CYP1A2: variants seen among roughly 807,000 people sequenced by gnomAD.
CYP1A2 encodes the protein cytochrome P450 family 1 subfamily A member 2, also known as cytochrome P450 1A2.
Under a neutral mutation model 34.7 loss-of-function variants are expected in CYP1A2, and 35 were observed. The observed-to-expected ratio is 1.01, with a 90% CI of 0.77 to 1.34. The LOEUF is 1.34. Among genes scored for constraint, CYP1A2 ranks in the 40% most tolerant of loss-of-function variants. The pLI, the probability that CYP1A2 is intolerant of heterozygous loss-of-function variation, is 0.00. For synonymous variants in CYP1A2, 288 were observed against 281.9 expected, an observed-to-expected ratio of 1.02 and a Z score of -0.22; for missense variants, 675 against 675.8, an observed-to-expected ratio of 1.00 and a Z score of 0.01.
Position 74,749,779 on chromosome 15 carries a change from T to G in CYP1A2, c.41T>G (p.Leu14Arg), listed in dbSNP as rs1401787029. The stretch of plus-strand genomic sequence containing the variant: ...TCTGTTCCCTTCTCGGCCACAGAGC[T>G]TCTCCTGGCCTCTGCCATCTTCTGC... Reference protein sequence around the residue: ...SQSVPFSATELLLASAIFCLV... With the variant: ...SQSVPFSATERLLASAIFCLV... Residue 14 changes from leucine to arginine, a missense_variant, in exon 2 of 7, where the codon CTT (leucine) becomes CGT (arginine). Transcript: ENST00000343932. The G allele has an allele frequency of 6.4e-7, 1 of 1,557,782 alleles. No individual in the cohort carries two copies. Among genetic ancestry groups the G allele is most frequent in the East Asian group, 2.3e-5 (1 of 44,192 alleles).
Position 74,753,284 on chromosome 15 carries a change from C to A in CYP1A2, c.1253+14C>A. ...CAACCATGACCCGTGAGTACATACC[C>A]CTCACGAAAAAATGTGTGCAGGTTC... On this transcript the variant is annotated intron_variant, in intron 6 of 6. Coordinates refer to ENST00000343932, the MANE Select transcript of CYP1A2 (RefSeq NM_000761.5). The A allele has an allele frequency of 6.2e-7, 1 of 1,607,094 alleles. No homozygotes were observed. The highest frequency in any genetic ancestry group is 1.1e-5 in the South Asian group (1 of 90,798).
chr15:74,750,054 A>G lies in CYP1A2; in HGVS notation c.316A>G (p.Lys106Glu). 6.2e-7 allele frequency: 1 copy of G among 1,614,050 alleles called. No homozygotes were observed. ...CCTGGTGCGGCAGGGCGACGATTTCAAGGGCCGGCCTGACCTCTACACCTC... is the reference window on the plus strand; with the variant it reads ...CCTGGTGCGGCAGGGCGACGATTTCGAGGGCCGGCCTGACCTCTACACCTC... ...QALVRQGDDF[K>E]GRPDLYTSTL... The change falls in exon 2 of 7, where the codon AAG (lysine) becomes GAG (glutamate). Residue 106 changes from lysine to glutamate, a missense_variant. Physicochemically the swap from Lys to Glu is moderately conservative, Grantham distance 56 (BLOSUM62 1). Transcript: ENST00000343932.
At position 74,752,258 on chromosome 15, in the gene CYP1A2, C is replaced by A. The variant is rs745320017; in HGVS notation, c.1166+11C>A. 3.1e-6 allele frequency: 5 copies of A among 1,613,212 alleles called. No homozygotes were observed. In the East Asian group the frequency reaches 6.7e-5, roughly 22 times the overall value. ...CACCATCCCCCACAGGTGAGGCCTGCCGGTTCTGCCCTCCCACCTCTAAAG... is the reference window on the plus strand; with the variant it reads ...CACCATCCCCCACAGGTGAGGCCTGACGGTTCTGCCCTCCCACCTCTAAAG... On this transcript the variant is annotated intron_variant, in intron 5 of 6. Transcript: ENST00000343932.
intron 2 of CYP1A2, 25 bp from the exon 3 acceptor site, chr15:74,751,164 T>C (rs940101068): frequency 2.5e-6 from 4 of 1,612,670 alleles, no homozygotes; most frequent in Non-Finnish European, 8.5e-7. Context: ...GTGCCAGAGG[T>C]GCCCCTAAGC....
Position 74,751,795 on chromosome 15 carries a change from G to A in CYP1A2, c.983G>A (p.Trp328Ter), listed in dbSNP as rs777138577. 6 of 1,614,004 alleles carry A rather than the reference G, an allele frequency of 3.7e-6. No homozygotes were observed. The highest frequency in any genetic ancestry group is 4.2e-6 in the Non-Finnish European group (5 of 1,180,010). ...GFDTVTTAISWSLMYLVTKPE... is the reference protein window; with the variant it reads ...GFDTVTTAIS Reference sequence around the variant, plus strand: ...GACACAGTCACCACAGCCATCTCCTGGAGCCTCATGTACCTTGTGACCAAG... The same window carrying A: ...GACACAGTCACCACAGCCATCTCCTAGAGCCTCATGTACCTTGTGACCAAG... The change falls in exon 4 of 7, where the codon TGG becomes TAG. Residue 328 changes from tryptophan to a stop codon, truncating the protein, a stop_gained. Transcript: ENST00000343932. LOFTEE classifies it high-confidence loss of function.
At chr15:74,749,236 G>A (rs770199864) in intron 1 of CYP1A2, among the ~76,000 whole-genome samples, 2 of 152,158 alleles carry the variant, frequency 1.3e-5, no homozygotes, top group East Asian at 1.9e-4. Flanking sequence ...TGGGGAGGGG[G>A]CATCACAGGC....
chr15:74,753,079 G>A, intron 5 of CYP1A2, 105 bp from the exon 6 acceptor site: 2 of 763,626 alleles, frequency 2.6e-6, no homozygotes, highest in Non-Finnish European at 4.5e-6. Flanking sequence ...CCAGTGTAGG[G>A]ATGGAGATGG....
chr15:74,753,185 A>C lies in CYP1A2; in HGVS notation c.1168A>C (p.Thr390Pro). The C allele has an allele frequency of 6.2e-7, 1 of 1,613,158 alleles. No individual in the cohort carries two copies. Among genetic ancestry groups the C allele is most frequent in the Non-Finnish European group, 8.5e-7 (1 of 1,179,448 alleles). The change falls in exon 6 of 7, where the codon ACA (threonine) becomes CCA (proline). Residue 390 changes from threonine to proline, a missense_variant and splice_region_variant. Transcript: ENST00000343932. ...SFLPFTIPHS[T>P]TRDTTLNGFY... is the part of the protein sequence containing the mutation. The stretch of plus-strand genomic sequence containing the variant: ...CACAGTGCCCTCTTCCCTCCTCAGC[A>C]CAACAAGGGACACAACGCTGAATGG...
Position 74,753,405 on chromosome 15 carries a change from T to C in CYP1A2, c.1253+135T>C, listed in dbSNP as rs2063325392. 6 of 665,926 alleles carry C rather than the reference T, an allele frequency of 9.0e-6. No homozygotes were observed. In the South Asian group the frequency reaches 1.2e-4, roughly 13 times the overall value. 41.3% of individuals were successfully genotyped at this position (665,926 alleles called of 1,614,324 possible). On this transcript the variant is annotated intron_variant, in intron 6 of 6. Coordinates refer to ENST00000343932, the MANE Select transcript of CYP1A2 (RefSeq NM_000761.5). ...ATAGTCTGCTCTAAGTGACGATATT[T>C]ACAAAAGTTTCACAAACTTTAGTGC...
intron 1 of CYP1A2, 54 bp from the exon 2 acceptor site, chr15:74,749,676 G>A (rs2063304362): frequency 1.5e-6 from 2 of 1,364,222 alleles, no homozygotes; most frequent in Non-Finnish European, 2.0e-6. Context: ...GGAAATGAAT[G>A]AATGAATGTC....
chr15:74,754,148 C>A (rs2063328076), intron 6 of CYP1A2, among the ~76,000 whole-genome samples: 1 of 152,136 alleles, frequency 6.6e-6, no homozygotes, highest in Non-Finnish European at 1.5e-5. Flanking sequence ...AAGGGATCTT[C>A]CTGCCTCAGC....
In CYP1A2 at chr15:74,750,697, C is replaced by G. The variant is rs1270701741; in HGVS notation, c.831+128C>G. On this transcript the variant is annotated intron_variant, in intron 2 of 6. Transcript: ENST00000343932. ...CTAGGAAGGCTCTGGACACCTCAGA[C>G]CAGCTGTGTGACCTGGAGCCGACTC... 9 of 750,896 alleles carry G rather than the reference C, an allele frequency of 1.2e-5. No individual in the cohort carries two copies. In the East Asian group the frequency reaches 2.4e-4, roughly 20 times the overall value. The allele number at this position is 750,896 out of a possible 1,614,324, so 46.5% of individuals were successfully genotyped here.
chr15:74,751,527 C>T (rs1208356102), intron 3 of CYP1A2, among the ~76,000 whole-genome samples: 1 of 152,216 alleles, frequency 6.6e-6, no homozygotes, highest in African/African-American at 2.4e-5. Flanking sequence ...TCAGTTTCCC[C>T]ATCTGAACAA....
chr15:74,751,778 C>A lies in CYP1A2; in HGVS notation c.966C>A (p.Val322=). Residue 322 remains valine (V), a synonymous_variant, in exon 4 of 7, where the codon GTC becomes GTA. Transcript: ENST00000343932. ...TACACGGTTCAGGATTTGACACAGTCACCACAGCCATCTCCTGGAGCCTCA... is the reference window on the plus strand; with the variant it reads ...TACACGGTTCAGGATTTGACACAGTAACCACAGCCATCTCCTGGAGCCTCA... ...NDIFGAGFDT[V]TTAISWSLMY... 6.2e-7 allele frequency: 1 copy of A among 1,614,074 alleles called. No individual in the cohort carries two copies. The highest frequency in any genetic ancestry group is 1.1e-5 in the South Asian group (1 of 91,056).
chr15:74,753,235 T>C lies in CYP1A2; in HGVS notation c.1218T>C (p.Cys406=), dbSNP rs376308231. The part of the protein sequence containing the change: ...LNGFYIPKKC[C]VFVNQWQVNH... ...GCTTCTACATCCCCAAGAAATGCTGTGTCTTCGTAAACCAGTGGCAGGTCA... is the reference window on the plus strand; with the variant it reads ...GCTTCTACATCCCCAAGAAATGCTGCGTCTTCGTAAACCAGTGGCAGGTCA... Residue 406 remains cysteine, a synonymous_variant, in exon 6 of 7, where the codon TGT becomes TGC. Coordinates refer to ENST00000343932, the MANE Select transcript of CYP1A2 (RefSeq NM_000761.5). 2 of 1,613,942 alleles carry C rather than the reference T, an allele frequency of 1.2e-6. No homozygotes were observed.
Position 74,749,750 on chromosome 15 carries a change from C to G in CYP1A2, c.12C>G (p.Ser4=). MAL[S]QSVPFSATEL... Reference sequence around the variant, plus strand: ...TGCAGTTGGTACAGATGGCATTGTCCCAGTCTGTTCCCTTCTCGGCCACAG... The same window carrying G: ...TGCAGTTGGTACAGATGGCATTGTCGCAGTCTGTTCCCTTCTCGGCCACAG... The change falls in exon 2 of 7, where the codon TCC becomes TCG. Residue 4 remains serine (S), a synonymous_variant. Coordinates refer to ENST00000343932, the MANE Select transcript of CYP1A2 (RefSeq NM_000761.5). The G allele has an allele frequency of 1.3e-6, 2 of 1,532,238 alleles. No homozygotes were observed. Among genetic ancestry groups the G allele is most frequent in the East Asian group, 2.3e-5 (1 of 43,982 alleles). The allele number at this position is 1,532,238 out of a possible 1,614,324, so 94.9% of individuals were successfully genotyped here.
chr15:74,752,870 CTTTTTTTT>C lies in CYP1A2; in HGVS notation c.1167-297_1167-290del, dbSNP rs4646426. On this transcript the variant is annotated intron_variant, in intron 5 of 6. Coordinates refer to ENST00000343932, the MANE Select transcript of CYP1A2 (RefSeq NM_000761.5). ...CGGGGCTGCCCCAGGCTGCCTGCTG[CTTTTTTTT>C]TTTTTTTTTTTTTTTTCATAGAAAA... 1.5e-4 allele frequency among the ~76,000 whole-genome samples: 14 copies of C among 96,170 alleles called. No homozygotes were observed. In the South Asian group the frequency reaches 3.2e-3, roughly 22 times the overall value. The allele number at this position is 96,170 out of a possible 152,430, so 63.1% of individuals were successfully genotyped here.
chr15:74,750,620 G>A (rs2063310748), intron 2 of CYP1A2, 51 bp downstream of exon 2: 4 of 1,481,356 alleles, frequency 2.7e-6, no homozygotes, highest in African/African-American at 1.4e-5. Context: ...CCTGGGTGCA[G>A]CCCCTCCCTC....
Position 74,756,020 on chromosome 15 carries a change from T to A in CYP1A2, c.*932T>A, listed in dbSNP as rs1344196291. On this transcript the variant is annotated 3_prime_UTR_variant, in exon 7 of 7. Transcript: ENST00000343932. ...TTAGTAGAGACGAGGTTTCACTGTG[T>A]TGGCCAGGATGGTCTCCATCTCTTG... 2 of 151,980 alleles carry A rather than the reference T, an allele frequency of 1.3e-5. No homozygotes were observed. Among genetic ancestry groups the A allele is most frequent in the Non-Finnish European group, 2.9e-5 (2 of 68,064 alleles). The allele number at this position is 151,980 out of a possible 1,614,324, so 9.4% of individuals were successfully genotyped here.
Sources: allele counts gnomAD v4.1 joint callset (sites outside exome capture counted in the v4.1 genomes callset), GRCh38; gene constraint gnomAD v4.1.1; transcripts MANE v1.5; gene names NCBI Gene and HGNC (gene_info 2026-07-23, HGNC 2026-07-21).